Variants in IL1RAPL2 observed in about 807,000 individuals in gnomAD.
IL1RAPL2 encodes interleukin 1 receptor accessory protein like 2.
IL1RAPL2 carries 3 observed loss-of-function variants against 44.1 expected under a neutral mutation model. The ratio of observed to expected loss-of-function variants is 0.07; its 90% CI spans 0.03 to 0.18. IL1RAPL2 has a LOEUF of 0.18. Ranked by LOEUF, IL1RAPL2 falls within the 10% of genes least tolerant of loss-of-function variation. The probability of loss-of-function intolerance (pLI) is 1.00; values close to 1 mark genes in which losing one functional copy is unlikely to be tolerated. For missense variants in IL1RAPL2, 391 were observed against 496.4 expected, an observed-to-expected ratio of 0.79 and a Z score of 2.02; for synonymous variants, 181 against 178.8, an observed-to-expected ratio of 1.01 and a Z score of -0.10.
intron 2 of IL1RAPL2, among the ~76,000 whole-genome samples, chrX:104,817,812 G>C: frequency 9.0e-6 from 1 of 111,526 alleles, no homozygotes; most frequent in South Asian, 3.8e-4. Context: ...GTTTAAGAAA[G>C]ACTATCTCTT....
chrX:105,060,884 G>A (rs1253304629), intron 2 of IL1RAPL2, among the ~76,000 whole-genome samples: 2 of 110,335 alleles, frequency 1.8e-5, no homozygotes, highest in East Asian at 5.7e-4. Flanking sequence ...TGCAGTATCA[G>A]TTGTAATGTC....
At chrX:105,331,421 A>T (rs1220553607) in intron 5 of IL1RAPL2, among the ~76,000 whole-genome samples, 1 of 111,703 alleles carries the variant, frequency 9.0e-6, no homozygotes, top group Non-Finnish European at 1.9e-5. Flanking sequence ...TGGTAAATGG[A>T]TGATGCTGCC....
intron 5 of IL1RAPL2, among the ~76,000 whole-genome samples, chrX:105,282,775 G>A (rs1204701400): frequency 5.4e-5 from 6 of 111,618 alleles, no homozygotes; most frequent in Admixed American, 3.8e-4. Context: ...TGAAGCTACT[G>A]GGTCAGTACC....
chrX:105,149,975 A>G (rs1355320578), intron 2 of IL1RAPL2, among the ~76,000 whole-genome samples: 2 of 111,390 alleles, frequency 1.8e-5, no homozygotes, highest in Non-Finnish European at 3.8e-5. Flanking sequence ...GCCTGGATTT[A>G]CATGAATTTA....
At chrX:105,034,527 T>C (rs2031583588) in intron 2 of IL1RAPL2, among the ~76,000 whole-genome samples, 1 of 112,345 alleles carries the variant, frequency 8.9e-6, no homozygotes, top group Non-Finnish European at 1.9e-5. Context: ...CAGCGGTGGC[T>C]GCAGAACAGC....
chrX:104,981,055 TTGTGTGTGTGTGTG>T (rs199571900), intron 2 of IL1RAPL2, among the ~76,000 whole-genome samples: 23 of 97,400 alleles, frequency 2.4e-4, no homozygotes, highest in African/African-American at 8.2e-4. Flanking sequence ...TTCCAAGGTA[TTGTGTGTGTGTGTG>T]TGTGTGTGTG....
intron 2 of IL1RAPL2, among the ~76,000 whole-genome samples, chrX:105,074,498 G>C (rs781525454): frequency 9.0e-6 from 1 of 110,942 alleles, no homozygotes; most frequent in South Asian, 3.9e-4. Flanking sequence ...TTGTTCTTTT[G>C]GCTTAGGATT....
chrX:105,149,264 C>T lies in IL1RAPL2; in HGVS notation c.83-46211C>T, dbSNP rs553594374. 2.6e-4 allele frequency among the ~76,000 whole-genome samples: 29 copies of T among 111,433 alleles called. 1 individual carries two copies. The South Asian group carries it at 7.6e-3, about 29-fold the overall frequency. On this transcript the variant is annotated intron_variant, in intron 2 of 10. Coordinates refer to ENST00000372582, the MANE Select transcript of IL1RAPL2 (RefSeq NM_017416.2). ...TTGGACTGAAATTTCACTTGAGTAA[C>T]CTGAGGACCTAGAAAGAGTAACATA...
intron 5 of IL1RAPL2, among the ~76,000 whole-genome samples, chrX:105,467,951 C>T (rs60799455): frequency 6.4e-4 from 71 of 111,700 alleles, no homozygotes; most frequent in African/African-American, 2.2e-3. Context: ...TGTCTAGTAG[C>T]GGTACCTAGA....
intron 6 of IL1RAPL2, among the ~76,000 whole-genome samples, chrX:105,503,990 A>G (rs2036413865): frequency 2.2e-5 from 2 of 90,470 alleles, no homozygotes; most frequent in African/African-American, 2.0e-4. Flanking sequence ...ATTTCCAAAT[A>G]AAGTCAATTC....
rs757958082 is a variant in IL1RAPL2 at position 104,959,528 on chromosome X, T to C, written c.83-235947T>C. ...AAAGTTGGAACACTTTTTTTAAAAA[T>C]AGACTTTTTTTCTAAGGGCTGTCAG... On this transcript the variant is annotated intron_variant, in intron 2 of 10. Transcript: ENST00000372582. 1.6e-3 allele frequency among the ~76,000 whole-genome samples: 179 copies of C among 111,850 alleles called. 1 individual carries two copies. Among genetic ancestry groups the C allele is most frequent in the Admixed American group, 2.4e-3 (25 of 10,519 alleles).
intron 2 of IL1RAPL2, among the ~76,000 whole-genome samples, chrX:104,967,752 A>G (rs2030154413): frequency 9.0e-6 from 1 of 111,498 alleles, no homozygotes; most frequent in African/African-American, 3.2e-5. Flanking sequence ...AACAAATAAG[A>G]AAATACCAAA....
intron 2 of IL1RAPL2, among the ~76,000 whole-genome samples, chrX:105,135,685 A>C (rs1325028916): frequency 8.9e-6 from 1 of 111,811 alleles, no homozygotes; most frequent in African/African-American, 3.2e-5. Flanking sequence ...TGATTCAAAA[A>C]TACCAAAATA....
chrX:105,369,065 T>G (rs2035317487), intron 5 of IL1RAPL2, among the ~76,000 whole-genome samples: 1 of 110,346 alleles, frequency 9.1e-6, no homozygotes, highest in Non-Finnish European at 1.9e-5. Context: ...AGTTCTCAAT[T>G]TGATCATGCA....
At chrX:104,759,849 T>G (rs1932397899) in intron 2 of IL1RAPL2, among the ~76,000 whole-genome samples, 1 of 111,753 alleles carries the variant, frequency 8.9e-6, no homozygotes, top group Non-Finnish European at 1.9e-5. Flanking sequence ...CAGTTATTGT[T>G]ATTGACTATA....
chrX:104,945,339 G>A (rs936875161), intron 2 of IL1RAPL2, among the ~76,000 whole-genome samples: 2 of 110,886 alleles, frequency 1.8e-5, no homozygotes, highest in African/African-American at 3.3e-5. Flanking sequence ...GAGTGTTCAC[G>A]TTCACAAATG....
At chrX:105,689,196 G>T (rs954310715) in intron 6 of IL1RAPL2, among the ~76,000 whole-genome samples, 32 of 111,615 alleles carry the variant, frequency 2.9e-4, no homozygotes, top group African/African-American at 1.0e-3. Flanking sequence ...CAAAAGCAAT[G>T]GCAACAAAAG....
intron 1 of IL1RAPL2, among the ~76,000 whole-genome samples, chrX:104,639,120 T>C (rs1929884294): frequency 8.9e-6 from 1 of 111,838 alleles, no homozygotes; most frequent in Non-Finnish European, 1.9e-5. Flanking sequence ...CTTTTTTGTC[T>C]TTTTTTTAAC....
At chrX:105,387,137 C>T (rs1440305830) in intron 5 of IL1RAPL2, among the ~76,000 whole-genome samples, 1 of 104,084 alleles carries the variant, frequency 9.6e-6, no homozygotes, top group African/African-American at 4.1e-5. Flanking sequence ...ACTCAAAATT[C>T]ATGATAAAGA....
Sources: allele counts gnomAD v4.1 joint callset (sites outside exome capture counted in the v4.1 genomes callset), GRCh38; gene constraint gnomAD v4.1.1; transcripts MANE v1.5; gene names NCBI Gene and HGNC (gene_info 2026-07-23, HGNC 2026-07-21).